Variants in CELF2 observed in about 807,000 individuals in gnomAD.
CELF2 encodes the protein CUGBP Elav-like family member 2.
Under a neutral mutation model 62.6 loss-of-function variants are expected in CELF2, and 8 were observed. The ratio of observed to expected loss-of-function variants is 0.13; its 90% CI spans 0.07 to 0.23. The LOEUF (loss-of-function observed/expected upper bound fraction) is 0.23, where lower values mean the gene tolerates loss of function less well. CELF2 is among the 10% of genes least tolerant of loss of function. CELF2 has a pLI of 1.00. For synonymous variants in CELF2, 258 were observed against 250.0 expected, an observed-to-expected ratio of 1.03 and a Z score of -0.30; for missense variants, 333 against 671.0, an observed-to-expected ratio of 0.50 and a Z score of 5.56.
chr10:10,464,846 T>G, the CELF2 span, among the ~76,000 whole-genome samples: 10 of 152,142 alleles, frequency 6.6e-5, no homozygotes, highest in Admixed American at 2.0e-4. Context: ...TTTTACCCTA[T>G]TTTTTCAATA....
intron 1 of CELF2, among the ~76,000 whole-genome samples, chr10:10,898,797 C>G (rs1401673526): frequency 6.6e-6 from 1 of 152,114 alleles, no homozygotes; most frequent in Non-Finnish European, 1.5e-5. Context: ...TCATACCCAA[C>G]AACAGAATTC....
chr10:10,954,866 A>G (rs576702194), intron 2 of CELF2, among the ~76,000 whole-genome samples: 1 of 152,264 alleles, frequency 6.6e-6, no homozygotes, highest in Non-Finnish European at 1.5e-5. Context: ...CAAAGAATAC[A>G]TAAATATGCT....
chr10:10,851,994 C>G (rs1455753764), intron 1 of CELF2, among the ~76,000 whole-genome samples: 1 of 152,168 alleles, frequency 6.6e-6, no homozygotes, highest in Non-Finnish European at 1.5e-5. Flanking sequence ...CCATACACTG[C>G]TGGTGGGAAT....
intron 1 of CELF2, among the ~76,000 whole-genome samples, chr10:10,864,502 G>A (rs923400686): frequency 4.6e-5 from 7 of 152,174 alleles, no homozygotes; most frequent in African/African-American, 1.4e-4. Flanking sequence ...TGGGGATGGT[G>A]GAAGTCCAAG....
At chr10:10,838,677 T>G (rs1219915124) in intron 1 of CELF2, among the ~76,000 whole-genome samples, 3 of 152,234 alleles carry the variant, frequency 2.0e-5, no homozygotes, top group Non-Finnish European at 4.4e-5. Context: ...GATGCTCTTG[T>G]TCAGTTGTCT....
Position 11,290,057 on chromosome 10 carries a change from A to G in CELF2, c.976+1505A>G, listed in dbSNP as rs1424548981. Among the ~76,000 whole-genome samples the G allele has an allele frequency of 4.6e-5, 7 of 152,180 alleles. No individual in the cohort carries two copies. The highest frequency in any genetic ancestry group is 1.5e-5 in the Non-Finnish European group (1 of 68,022). On this transcript the variant is annotated intron_variant, in intron 9 of 12. Coordinates refer to ENST00000633077, the MANE Select transcript of CELF2 (RefSeq NM_001326342.2). The surrounding 1 kb of genome is among the most constrained non-coding windows in gnomAD (Gnocchi z 4.3). ...ATCTTCAGTCCAAAGGAGGCTTGAC[A>G]GTTTAAGAAGCCAAATGCAGAAGCA...
chr10:10,548,974 G>A, the CELF2 span, among the ~76,000 whole-genome samples: 4 of 152,094 alleles, frequency 2.6e-5, no homozygotes, highest in South Asian at 6.2e-4. Context: ...GCAAAGGGCC[G>A]ATCAGACAGC....
intron 2 of CELF2, among the ~76,000 whole-genome samples, chr10:10,943,489 G>C (rs1192881190): frequency 6.6e-6 from 1 of 152,208 alleles, no homozygotes; most frequent in Non-Finnish European, 1.5e-5. Context: ...TATGATCTAG[G>C]CATGTGCTAG....
chr10:10,879,859 C>T (rs2061342202), intron 1 of CELF2, among the ~76,000 whole-genome samples: 1 of 152,228 alleles, frequency 6.6e-6, no homozygotes, highest in African/African-American at 2.4e-5. Context: ...CCCACATACA[C>T]TTTCTGAACC....
At chr10:10,991,986 GTATC>G (rs765526393) in intron 2 of CELF2, among the ~76,000 whole-genome samples, 1 of 152,046 alleles carries the variant, frequency 6.6e-6, no homozygotes, top group Non-Finnish European at 1.5e-5. Flanking sequence ...CATTTATTGA[GTATC>G]TACTGTGTGC....
chr10:10,795,606 A>G (rs2131399367), upstream of CELF2, among the ~76,000 whole-genome samples: 1 of 152,312 alleles, frequency 6.6e-6, no homozygotes, highest in Middle Eastern at 3.4e-3. Flanking sequence ...ATTTCTTAGT[A>G]GGAAACAGAT....
chr10:10,524,200 C>G, the CELF2 span, among the ~76,000 whole-genome samples: 1 of 151,958 alleles, frequency 6.6e-6, no homozygotes, highest in Non-Finnish European at 1.5e-5. Context: ...AGAAAGAAAA[C>G]TAGGGTGGCA....
At chr10:11,036,276 C>CTTTGT (rs1357180458) in intron 1 of CELF2, among the ~76,000 whole-genome samples, 1 of 152,162 alleles carries the variant, frequency 6.6e-6, no homozygotes, top group African/African-American at 2.4e-5. Context: ...TCTGTGTTTC[C>CTTTGT]TTTTGTATTT....
intron 1 of CELF2, among the ~76,000 whole-genome samples, chr10:11,031,819 C>G (rs570770177): frequency 2.0e-5 from 3 of 152,274 alleles, no homozygotes; most frequent in East Asian, 3.9e-4. Context: ...TACCATGGCT[C>G]TCAACTACGT....
the CELF2 span, among the ~76,000 whole-genome samples, chr10:10,716,810 T>G: frequency 6.6e-6 from 1 of 152,204 alleles, no homozygotes; most frequent in East Asian, 1.9e-4. Context: ...TCCAACACTT[T>G]CGCTGCAACA....
the CELF2 span, among the ~76,000 whole-genome samples, chr10:10,564,909 C>T: frequency 6.6e-6 from 1 of 152,098 alleles, no homozygotes; most frequent in African/African-American, 2.4e-5. Context: ...CTACAATGTG[C>T]CAGGCACTGT....
At chr10:10,950,092 C>T (rs2048154838) in intron 2 of CELF2, among the ~76,000 whole-genome samples, 1 of 152,142 alleles carries the variant, frequency 6.6e-6, no homozygotes, top group Non-Finnish European at 1.5e-5. Context: ...GAGTTTATCC[C>T]CTGGCTGCAA....
At chr10:11,131,159 A>T (rs1048333016) in intron 1 of CELF2, among the ~76,000 whole-genome samples, 2 of 152,236 alleles carry the variant, frequency 1.3e-5, no homozygotes, top group African/African-American at 4.8e-5. Flanking sequence ...GCAGGACAGT[A>T]ATTGAATTGG....
the CELF2 span, among the ~76,000 whole-genome samples, chr10:10,475,400 T>C: frequency 4.0e-5 from 6 of 151,432 alleles, no homozygotes; most frequent in Non-Finnish European, 8.8e-5. Flanking sequence ...AGGAGATATG[T>C]AAAACTGGTG....
Sources: allele counts gnomAD v4.1 joint callset (sites outside exome capture counted in the v4.1 genomes callset), GRCh38; gene constraint gnomAD v4.1.1; non-coding constraint Gnocchi (gnomAD v3.1); transcripts MANE v1.5; gene names NCBI Gene and HGNC (gene_info 2026-07-23, HGNC 2026-07-21).